The following PLA2G5 variants were observed in gnomAD, a reference collection of about 807,000 sequenced individuals.
The protein encoded by PLA2G5 is phospholipase A2 group V, also known as Ca2+-dependent phospholipase A2.
Under a neutral mutation model 15.9 loss-of-function variants are expected in PLA2G5, and 12 were observed. The observed-to-expected ratio is 0.76, with a 90% CI of 0.48 to 1.23. PLA2G5 has a LOEUF of 1.23. PLA2G5 is among the 50% of genes most tolerant of loss of function. The probability of loss-of-function intolerance (pLI) is 0.00; values close to 1 mark genes in which losing one functional copy is unlikely to be tolerated. For synonymous variants in PLA2G5, 71 were observed against 71.4 expected (o/e 0.99, Z 0.03); for missense variants, 169 against 177.1 (o/e 0.95, Z 0.26).
At chr1:20,079,116 A>G (rs867408069) in intron 1 of PLA2G5, among the ~76,000 whole-genome samples, 32,712 of 135,718 alleles carry the variant, frequency 0.24, 3,934 homozygotes, top group East Asian at 0.32. Context: ...CCTGTCTCAA[A>G]AAAAAAAAAA....
chr1:20,068,835 CTTG>C (rs1336490271), upstream of PLA2G5: 9 of 604,966 alleles, frequency 1.5e-5, no homozygotes, highest in Admixed American at 6.3e-5. Context: ...ATAGCAAACA[CTTG>C]TTGTCTTGTT....
At chr1:20,083,482 T>C (rs758057687) in intron 1 of PLA2G5, among the ~76,000 whole-genome samples, 11 of 151,894 alleles carry the variant, frequency 7.2e-5, no homozygotes, top group African/African-American at 1.2e-4. Flanking sequence ...CCTGCCGAGC[T>C]GTGGACAAAC....
At chr1:20,036,250 T>C (rs1346582408) in intron 1 of PLA2G5, among the ~76,000 whole-genome samples, 2 of 152,204 alleles carry the variant, frequency 1.3e-5, no homozygotes, top group Admixed American at 6.5e-5. Context: ...ATTTCCTGGG[T>C]GTTCTTTGAG....
intron 1 of PLA2G5, among the ~76,000 whole-genome samples, chr1:20,058,212 T>C (rs1245135045): frequency 6.6e-6 from 1 of 152,242 alleles, no homozygotes; most frequent in Admixed American, 6.5e-5. Context: ...TGTTCATTAC[T>C]GAGAGAGGGT....
intron 2 of PLA2G5, among the ~76,000 whole-genome samples, chr1:20,060,398 C>T (rs1021058733): frequency 6.6e-6 from 1 of 151,818 alleles, no homozygotes; most frequent in Non-Finnish European, 1.5e-5. Flanking sequence ...GGATTATAGG[C>T]ATGCGCCACC....
rs11573241 is a variant in PLA2G5 at position 20,080,579 on chromosome 1, C to CA, written c.-10-4235dup. On this transcript the variant is annotated intron_variant, in intron 1 of 4. Coordinates refer to ENST00000375108, the MANE Select transcript of PLA2G5 (RefSeq NM_000929.3). ...TCTGAGGGAAAGCCAGACTTCGTCT[C>CA]AAAAAAACAACCAAAATAAACAACT... is the stretch of plus-strand genomic sequence containing the variant. Among the ~76,000 whole-genome samples the CA allele has an allele frequency of 4.1e-3, 618 of 152,024 alleles. 3 individuals carry two copies. The highest frequency in any genetic ancestry group is 0.014 in the African/African-American group (593 of 41,424).
intron 1 of PLA2G5, among the ~76,000 whole-genome samples, chr1:20,043,049 C>G (rs763785058): frequency 2.0e-5 from 3 of 152,082 alleles, no homozygotes; most frequent in African/African-American, 7.2e-5. Flanking sequence ...GTTCCTGAAG[C>G]CTTGCAGCAA....
chr1:20,090,588 G>A lies in PLA2G5; in HGVS notation c.313G>A (p.Val105Met), dbSNP rs763094401. ...VTCEPGPFCH[V>M]NLCACDRKLV... ...TGCAGAGCCCGGGCCCTTCTGCCAT[G>A]TGAACCTCTGTGCCTGTGACCGGAA... Residue 105 changes from valine (V) to methionine (M), a missense_variant, in exon 5 of 5, where the codon GTG becomes ATG. By Grantham distance (21) the Val-to-Met change is conservative. Transcript: ENST00000375108. 4 of 1,614,106 alleles carry A rather than the reference G, an allele frequency of 2.5e-6. No individual in the cohort carries two copies. Among genetic ancestry groups the A allele is most frequent in the Admixed American group, 1.7e-5 (1 of 60,020 alleles).
chr1:20,068,904 C>T (rs186249975), upstream of PLA2G5: 31 of 1,283,264 alleles, frequency 2.4e-5, no homozygotes, highest in East Asian at 1.4e-3. Context: ...GGAACACACT[C>T]CCCCCTACGT....
At chr1:20,061,783 A>C (rs1482882781) in intron 2 of PLA2G5, among the ~76,000 whole-genome samples, 1 of 152,130 alleles carries the variant, frequency 6.6e-6, no homozygotes, top group African/African-American at 2.4e-5. Flanking sequence ...ACTGTTGTAC[A>C]TCTTTGCATA....
At position 20,041,844 on chromosome 1, in the gene PLA2G5, G is replaced by A. The variant is rs149562462; in HGVS notation, n.276+13135G>A. Among the ~76,000 whole-genome samples the A allele has an allele frequency of 2.6e-3, 390 of 152,266 alleles. 4 individuals are homozygous for A. The highest frequency in any genetic ancestry group is 8.9e-3 in the African/African-American group (368 of 41,542). On this transcript the variant is annotated intron_variant and non_coding_transcript_variant, in intron 1 of 6. Transcript: ENST00000460175. ...AAAGAGAAGGAGAAAAACTGGCAGT[G>A]AGGGACAGAAGTTGGAACGCTAGGT... is the stretch of plus-strand genomic sequence containing the variant.
intron 1 of PLA2G5, among the ~76,000 whole-genome samples, chr1:20,046,852 A>T (rs2013930634): frequency 6.6e-6 from 1 of 152,138 alleles, no homozygotes; most frequent in African/African-American, 2.4e-5. Context: ...TTGTTTAAGG[A>T]TCCTAATTCT....
At chr1:20,040,666 A>G (rs962442788) in intron 1 of PLA2G5, among the ~76,000 whole-genome samples, 2 of 152,124 alleles carry the variant, frequency 1.3e-5, no homozygotes, top group Non-Finnish European at 2.9e-5. Flanking sequence ...ATTCCAATCC[A>G]AGATATCAAC....
rs1419079157 is a variant in PLA2G5, at chr1:20,034,665, G to T, written n.276+5956G>T. Among the ~76,000 whole-genome samples, 3 of 152,188 alleles carry T rather than the reference G, an allele frequency of 2.0e-5. No homozygotes were observed. The East Asian group carries it at 5.8e-4, about 29-fold the overall frequency. On this transcript the variant is annotated intron_variant and non_coding_transcript_variant, in intron 1 of 6. Transcript: ENST00000460175. ...GATATTGAGACTGATGAAGGGAAATGGAGGGGTTTTGGAGAGTTATTTTGA... is the reference window on the plus strand; with the variant it reads ...GATATTGAGACTGATGAAGGGAAATTGAGGGGTTTTGGAGAGTTATTTTGA...
intron 1 of PLA2G5, among the ~76,000 whole-genome samples, chr1:20,072,763 A>G (rs190345795): frequency 6.6e-6 from 1 of 152,310 alleles, no homozygotes; most frequent in Non-Finnish European, 1.5e-5. Flanking sequence ...CTATCAGGGA[A>G]GGTGTCTCAA....
intron 1 of PLA2G5, among the ~76,000 whole-genome samples, chr1:20,071,695 ACTTGCTCTTCCCT>A (rs1220132746): frequency 6.6e-6 from 1 of 152,002 alleles, no homozygotes; most frequent in Non-Finnish European, 1.5e-5. Flanking sequence ...GGGCCTTTGT[ACTTGCTCTTCCCT>A]CTGCCTGGAG....
intron 1 of PLA2G5, among the ~76,000 whole-genome samples, chr1:20,048,581 G>A (rs893293367): frequency 2.0e-5 from 3 of 152,200 alleles, no homozygotes; most frequent in African/African-American, 7.2e-5. Flanking sequence ...TTTTGGGAAA[G>A]GACTGTTATC....
intron 1 of PLA2G5, among the ~76,000 whole-genome samples, chr1:20,075,245 A>T (rs1441796087): frequency 6.6e-6 from 1 of 152,160 alleles, no homozygotes; most frequent in Non-Finnish European, 1.5e-5. Flanking sequence ...TCAGGACAAG[A>T]TCAAGATCCA....
At chr1:20,065,077 T>G (rs1039590238) in intron 2 of PLA2G5, among the ~76,000 whole-genome samples, 1 of 152,160 alleles carries the variant, frequency 6.6e-6, no homozygotes, top group Non-Finnish European at 1.5e-5. Context: ...ACGCAATAAC[T>G]TCAGGACATT....
Sources: allele counts gnomAD v4.1 joint callset (sites outside exome capture counted in the v4.1 genomes callset), GRCh38; gene constraint gnomAD v4.1.1; transcripts MANE v1.5; gene names NCBI Gene and HGNC (gene_info 2026-07-23, HGNC 2026-07-21).